The following GPM6A variants were observed in gnomAD, a reference collection of about 807,000 sequenced individuals.
GPM6A encodes neuronal membrane glycoprotein M6-a.
In GPM6A, 7 loss-of-function variants were observed where a neutral mutation model predicts 32.1. The ratio of observed to expected loss-of-function variants is 0.22; its 90% confidence interval spans 0.12 to 0.41. The LOEUF (loss-of-function observed/expected upper bound fraction) is 0.41, where lower values mean the gene tolerates loss of function less well. GPM6A is among the 10% of genes least tolerant of loss of function. GPM6A has a pLI of 1.00. For missense variants in GPM6A, 235 were observed against 347.2 expected (o/e 0.68, Z 2.57); for synonymous variants, 130 against 123.4 (o/e 1.05, Z -0.35).
chr4:175,751,699 C>T (rs1732343238), intron 1 of GPM6A, among the ~76,000 whole-genome samples: 1 of 151,486 alleles, frequency 6.6e-6, no homozygotes, highest in African/African-American at 2.4e-5. Flanking sequence ...TGTGGTTATA[C>T]CATGGACAGT....
chr4:175,901,157 G>A (rs1191518800), intron 1 of GPM6A, among the ~76,000 whole-genome samples: 1 of 149,878 alleles, frequency 6.7e-6, no homozygotes, highest in East Asian at 2.0e-4. Flanking sequence ...GCGAAGTTGG[G>A]GGCAGCAGAG....
intron 1 of GPM6A, among the ~76,000 whole-genome samples, chr4:175,932,835 G>A (rs149911808): frequency 7.2e-5 from 11 of 152,022 alleles, no homozygotes; most frequent in African/African-American, 2.7e-4. Context: ...ATAAAATATG[G>A]TTGATAAGAA....
intron 1 of GPM6A, among the ~76,000 whole-genome samples, chr4:175,992,833 T>C (rs1434755956): frequency 1.3e-5 from 2 of 152,206 alleles, no homozygotes; most frequent in Non-Finnish European, 2.9e-5. Flanking sequence ...CATACTGTAT[T>C]ATATCACAAT....
At chr4:175,763,373 A>G (rs1177098896) in intron 1 of GPM6A, among the ~76,000 whole-genome samples, 1 of 152,154 alleles carries the variant, frequency 6.6e-6, no homozygotes, top group African/African-American at 2.4e-5. Context: ...AACTCATAAA[A>G]TTAGTTTCCA....
chr4:175,799,666 G>GTTTTCTTTTTT (rs572059694), intron 1 of GPM6A, among the ~76,000 whole-genome samples: 9 of 114,918 alleles, frequency 7.8e-5, no homozygotes, highest in Admixed American at 1.7e-4. Flanking sequence ...AGTAGCAAGT[G>GTTTTCTTTTTT]TTTTCTTTTT....
intron 1 of GPM6A, among the ~76,000 whole-genome samples, chr4:175,932,239 T>C (rs1319674762): frequency 6.6e-6 from 1 of 152,206 alleles, no homozygotes; most frequent in Non-Finnish European, 1.5e-5. Context: ...ACGGGGCCTT[T>C]AAGAAGTAAT....
At chr4:175,904,243 G>A (rs1738055673) in intron 1 of GPM6A, among the ~76,000 whole-genome samples, 1 of 152,114 alleles carries the variant, frequency 6.6e-6, no homozygotes, top group Admixed American at 6.5e-5. Context: ...GATAGCAAAT[G>A]TGTTTTTCAG....
intron 2 of GPM6A, among the ~76,000 whole-genome samples, chr4:175,684,794 T>C (rs896840377): frequency 6.6e-6 from 1 of 152,244 alleles, no homozygotes; most frequent in Non-Finnish European, 1.5e-5. Flanking sequence ...TATGTCTTAA[T>C]ATCTTGTAAG....
chr4:175,967,114 GATTT>G (rs1226924727), intron 1 of GPM6A, among the ~76,000 whole-genome samples: 1 of 152,110 alleles, frequency 6.6e-6, no homozygotes, highest in African/African-American at 2.4e-5. Flanking sequence ...GACCAAAAGT[GATTT>G]ATTAGTGTAT....
intron 1 of GPM6A, among the ~76,000 whole-genome samples, chr4:175,834,039 T>C (rs1735692037): frequency 6.6e-6 from 1 of 152,082 alleles, no homozygotes; most frequent in South Asian, 2.1e-4. Flanking sequence ...GCTACCCTAC[T>C]AGATATCAGA....
chr4:175,770,193 G>GT (rs1157256014), intron 1 of GPM6A, among the ~76,000 whole-genome samples: 2 of 152,066 alleles, frequency 1.3e-5, no homozygotes, highest in Non-Finnish European at 2.9e-5. Flanking sequence ...CGCCCAGCTA[G>GT]TTTTTTGTAC....
At chr4:175,756,686 T>C (rs1447558455) in intron 1 of GPM6A, among the ~76,000 whole-genome samples, 1 of 152,076 alleles carries the variant, frequency 6.6e-6, no homozygotes, top group African/African-American at 2.4e-5. Flanking sequence ...ATCTCAGAAC[T>C]AGGTATATGA....
intron 3 of GPM6A, among the ~76,000 whole-genome samples, chr4:175,654,972 T>C (rs2110928331): frequency 6.6e-6 from 1 of 152,226 alleles, no homozygotes; most frequent in South Asian, 2.1e-4. Flanking sequence ...TTTGAAGATG[T>C]TGTTCACTGT....
At chr4:175,966,607 T>C (rs1740342876) in intron 1 of GPM6A, among the ~76,000 whole-genome samples, 1 of 151,638 alleles carries the variant, frequency 6.6e-6, no homozygotes, top group South Asian at 2.1e-4. Flanking sequence ...CTTTCTGCAA[T>C]GTGAGGACAA....
At chr4:175,837,258 C>G (rs1182059572) in intron 1 of GPM6A, among the ~76,000 whole-genome samples, 1 of 152,124 alleles carries the variant, frequency 6.6e-6, no homozygotes, top group Non-Finnish European at 1.5e-5. Flanking sequence ...CTCCTAGAGC[C>G]TCCAGAAAGA....
At chr4:175,862,605 A>C (rs543745060) in intron 1 of GPM6A, among the ~76,000 whole-genome samples, 71 of 152,316 alleles carry the variant, frequency 4.7e-4, no homozygotes, top group African/African-American at 1.5e-3. Flanking sequence ...TTGTACAAGT[A>C]CTTTCGTAAA....
At chr4:175,837,742 GAC>G (rs1304253095) in intron 1 of GPM6A, among the ~76,000 whole-genome samples, 2 of 152,156 alleles carry the variant, frequency 1.3e-5, no homozygotes, top group African/African-American at 4.8e-5. Context: ...TCTTCTCTGT[GAC>G]ATTTATAGGA....
At chr4:175,649,834 AT>A (rs1485814231) in intron 4 of GPM6A, among the ~76,000 whole-genome samples, 3 of 152,218 alleles carry the variant, frequency 2.0e-5, no homozygotes, top group African/African-American at 7.2e-5. Context: ...CATACTTGTA[AT>A]AAAAAATATA....
intron 1 of GPM6A, among the ~76,000 whole-genome samples, chr4:175,719,822 G>T (rs569177402): frequency 4.2e-4 from 64 of 152,168 alleles, no homozygotes; most frequent in Non-Finnish European, 8.2e-4. Flanking sequence ...TAAATCAAAA[G>T]AATAATATTT....
Sources: allele counts gnomAD v4.1 joint callset (sites outside exome capture counted in the v4.1 genomes callset), GRCh38; gene constraint gnomAD v4.1.1; transcripts MANE v1.5; gene names NCBI Gene and HGNC (gene_info 2026-07-23, HGNC 2026-07-21).